Variants in MYOCD observed in about 807,000 individuals in gnomAD.
MYOCD encodes the protein myocardin.
MYOCD carries 32 observed loss-of-function variants against 96.1 expected under a neutral mutation model. That is an observed-to-expected ratio of 0.33 (90% CI 0.25 to 0.45). The LOEUF (loss-of-function observed/expected upper bound fraction) is 0.45, where lower values mean the gene tolerates loss of function less well. MYOCD is among the 20% of genes least tolerant of loss of function. The pLI is 1.00. For synonymous variants in MYOCD, 469 were observed against 469.0 expected, an observed-to-expected ratio of 1.00 and a Z score of 0.00; for missense variants, 1,133 against 1,200.6, an observed-to-expected ratio of 0.94 and a Z score of 0.83.
At chr17:12,750,994 A>G (rs930047413) in intron 9 of MYOCD, among the ~76,000 whole-genome samples, 21 of 152,148 alleles carry the variant, frequency 1.4e-4, no homozygotes, top group African/African-American at 5.1e-4. Flanking sequence ...TTCCCAAGAT[A>G]GCTATTTGTA....
chr17:12,742,791 C>T (rs557462912), intron 7 of MYOCD, among the ~76,000 whole-genome samples: 4 of 152,130 alleles, frequency 2.6e-5, no homozygotes, highest in Middle Eastern at 3.4e-3. Flanking sequence ...AGGCTGGTCT[C>T]GAACTCCTGA....
chr17:12,736,403 A>G, intron 6 of MYOCD, 67 bp downstream of exon 6: 1 of 1,518,248 alleles, frequency 6.6e-7, no homozygotes, highest in Non-Finnish European at 9.0e-7. Context: ...TTTCAGTCTT[A>G]ACATCAACAC....
chr17:12,763,739 A>G lies in MYOCD; in HGVS notation c.*95A>G, dbSNP rs2033257655. 4 of 1,119,336 alleles carry G rather than the reference A, an allele frequency of 3.6e-6. No individual in the cohort carries two copies. The highest frequency in any genetic ancestry group is 5.0e-6 in the Non-Finnish European group (4 of 797,908). 69.3% of individuals were successfully genotyped at this position (1,119,336 alleles called of 1,614,324 possible). A position where few individuals can be genotyped will look rare whatever the true frequency, so the allele number is the denominator to read the frequency against. ...CTTTACTGTCCAAAAACAGAAGAAGAAGAAGAGAATTAAAAAGAAGCAATG... is the reference window on the plus strand; with the variant it reads ...CTTTACTGTCCAAAAACAGAAGAAGGAGAAGAGAATTAAAAAGAAGCAATG... On this transcript the variant is annotated 3_prime_UTR_variant, in exon 14 of 14. Coordinates refer to ENST00000425538, the MANE Select transcript of MYOCD (RefSeq NM_001146312.3).
intron 1 of MYOCD, chr17:12,671,720 A>G (rs139483337): frequency 1.1e-3 from 175 of 152,324 alleles, no homozygotes; most frequent in African/African-American, 4.1e-3. Context: ...GTTGGCTTGA[A>G]CCAGATTGAA....
At chr17:12,728,635 A>G (rs1436736714) in intron 5 of MYOCD, among the ~76,000 whole-genome samples, 2 of 152,062 alleles carry the variant, frequency 1.3e-5, no homozygotes, top group African/African-American at 4.8e-5. Flanking sequence ...ATCCACCACC[A>G]TGCCCAGCTA....
chr17:12,744,165 T>C lies in MYOCD; in HGVS notation c.718-18T>C. On this transcript the variant is annotated intron_variant, in intron 7 of 13. Coordinates refer to ENST00000425538, the MANE Select transcript of MYOCD (RefSeq NM_001146312.3). The stretch of plus-strand genomic sequence containing the variant: ...GCCATCACCTAAAGCACATGCAATT[T>C]CCTCATCTTCTTTGCAGTCCAAATC... 13 of 1,611,790 alleles carry C rather than the reference T, an allele frequency of 8.1e-6. No homozygotes were observed. The highest frequency in any genetic ancestry group is 1.1e-5 in the Non-Finnish European group (13 of 1,178,748).
At position 12,760,308 on chromosome 17, in the gene MYOCD, G is replaced by A. The variant is rs191637513; in HGVS notation, c.2332-342G>A. ...GGACTTAGATAGAATAGTCAAATTC[G>A]TAAAGGCAGAAAGGAAAATGGCGGT... On this transcript the variant is annotated intron_variant, in intron 12 of 13. Transcript: ENST00000425538. The A allele has an allele frequency of 2.3e-3, 724 of 309,406 alleles. 1 individual carries two copies. The highest frequency in any genetic ancestry group is 2.7e-3 in the Non-Finnish European group (433 of 158,532). The allele number at this position is 309,406 out of a possible 1,614,324, so 19.2% of individuals were successfully genotyped here.
intron 13 of MYOCD, 25 bp from the exon 14 acceptor site, chr17:12,763,048 A>G: frequency 6.4e-7 from 1 of 1,569,754 alleles, no homozygotes. Context: ...GTGATTTAAC[A>G]AGTCACATCG....
chr17:12,711,463 T>C (rs2031477701), intron 2 of MYOCD, among the ~76,000 whole-genome samples: 1 of 152,196 alleles, frequency 6.6e-6, no homozygotes, highest in Non-Finnish European at 1.5e-5. Flanking sequence ...ACCTAAAGAA[T>C]CCTACATGCA....
chr17:12,760,624 G>T (rs754828737), intron 12 of MYOCD, 26 bp from the exon 13 acceptor site: 1 of 1,599,292 alleles, frequency 6.3e-7, no homozygotes, highest in Non-Finnish European at 8.6e-7. Flanking sequence ...TAAATTGTCT[G>T]TCCTCCTTTG....
chr17:12,756,186 T>C (rs909575401), intron 10 of MYOCD, among the ~76,000 whole-genome samples: 2 of 152,152 alleles, frequency 1.3e-5, no homozygotes, highest in African/African-American at 4.8e-5. Context: ...CCCATCCGGT[T>C]TGAAAGCGGA....
intron 6 of MYOCD, among the ~76,000 whole-genome samples, chr17:12,738,299 C>T (rs940281217): frequency 7.9e-5 from 12 of 152,162 alleles, no homozygotes; most frequent in African/African-American, 2.4e-4. Flanking sequence ...GCTCATTCCT[C>T]ACCCCCCATG....
At chr17:12,708,002 G>A (rs1464004774) in intron 2 of MYOCD, among the ~76,000 whole-genome samples, 1 of 152,032 alleles carries the variant, frequency 6.6e-6, no homozygotes, top group Non-Finnish European at 1.5e-5. Context: ...CACTGGCTGA[G>A]GCAGTGTCAA....
intron 1 of MYOCD, among the ~76,000 whole-genome samples, chr17:12,675,716 G>A (rs118154375): frequency 0.028 from 4,326 of 152,224 alleles, 93 homozygotes; most frequent in Non-Finnish European, 0.046. Context: ...AAATTAGCCT[G>A]GCACTGGTGG....
chr17:12,675,191 A>AT (rs1007093324), intron 1 of MYOCD, among the ~76,000 whole-genome samples: 3 of 152,354 alleles, frequency 2.0e-5, no homozygotes, highest in African/African-American at 7.2e-5. Flanking sequence ...TCTAGATACT[A>AT]TTTTTTAAAA....
Position 12,710,522 on chromosome 17 carries a change from C to G in MYOCD, c.122-4997C>G, listed in dbSNP as rs578179488. The G allele has an allele frequency of 1.0e-5, 10 of 985,018 alleles. No individual in the cohort carries two copies. The East Asian group carries it at 1.0e-3, about 101-fold the overall frequency. The allele number at this position is 985,018 out of a possible 1,614,324, so 61.0% of individuals were successfully genotyped here. A position where few individuals can be genotyped will look rare whatever the true frequency, so the allele number is the denominator to read the frequency against. ...TAATCCAAGCTACAGCAGCCACATA[C>G]TTACTGCAAAACCTTGGTAAATCCC... is the stretch of plus-strand genomic sequence containing the variant. On this transcript the variant is annotated intron_variant, in intron 2 of 13. Transcript: ENST00000425538.
At chr17:12,707,916 T>C (rs1280450429) in intron 2 of MYOCD, among the ~76,000 whole-genome samples, 1 of 152,170 alleles carries the variant, frequency 6.6e-6, no homozygotes, top group African/African-American at 2.4e-5. Context: ...TTCTGTGATT[T>C]TCTAATTTTT....
chr17:12,761,357 G>A (rs575097903), intron 13 of MYOCD: 5 of 152,228 alleles, frequency 3.3e-5, no homozygotes, highest in Admixed American at 2.0e-4. Context: ...GACGGAGGTA[G>A]CAAAGGACTC....
intron 5 of MYOCD, among the ~76,000 whole-genome samples, chr17:12,727,764 G>C (rs1359791901): frequency 6.6e-6 from 1 of 152,152 alleles, no homozygotes; most frequent in South Asian, 2.1e-4. Context: ...ACAGAGGACT[G>C]TCCCTACCCT....
Sources: gnomAD v4.1 joint callset for allele counts (sites outside exome capture counted in the v4.1 genomes callset) on GRCh38, gnomAD v4.1.1 for gene constraint, MANE v1.5 for transcripts, NCBI Gene and HGNC (gene_info 2026-07-23, HGNC 2026-07-21) for gene names.